Variants in KLHDC7A observed in about 807,000 individuals in gnomAD.
KLHDC7A encodes kelch domain-containing protein 7A.
For missense variants in KLHDC7A, 1,123 were observed against 1,052.6 expected (o/e 1.07, Z -0.93); for synonymous variants, 464 against 461.0 (o/e 1.01, Z -0.08).
rs2086918952 is a variant in KLHDC7A, at chr1:18,484,143, A to G, written c.*828A>G. 1.2e-6 allele frequency: 1 copy of G among 832,832 alleles called. No homozygotes were observed. The highest frequency in any genetic ancestry group is 1.8e-6 in the Non-Finnish European group (1 of 563,390). The allele number at this position is 832,832 out of a possible 1,614,324, so 51.6% of individuals were successfully genotyped here. A position where few individuals can be genotyped will look rare whatever the true frequency, so the allele number is the denominator to read the frequency against. On this transcript the variant is annotated 3_prime_UTR_variant, in exon 1 of 1. Coordinates refer to ENST00000400664, the MANE Select transcript of KLHDC7A (RefSeq NM_152375.3). ...AACTGACCATTGCACTCATTCTCAG[A>G]TCTGTAGCCGTCTTCCTGTCTGGAA...
In KLHDC7A at chr1:18,482,908, C is replaced by T. The variant is rs893621431; in HGVS notation, c.1927C>T (p.Leu643=). ...GGAAATCTTCGTCACCGGCGGCTCG[C>T]TGCGCTTCCTGCTGTTCCGCTTCTC... ...AKEIFVTGGS[L]RFLLFRFSAQ... is the part of the protein sequence containing the mutation. Residue 643 remains leucine (L), a synonymous_variant, in exon 1 of 1, where the codon CTG becomes TTG. Coordinates refer to ENST00000400664, the MANE Select transcript of KLHDC7A (RefSeq NM_152375.3). The T allele has an allele frequency of 6.2e-7, 1 of 1,609,952 alleles. No individual in the cohort carries two copies. The highest frequency in any genetic ancestry group is 1.3e-5 in the African/African-American group (1 of 75,036).
At position 18,483,337 on chromosome 1, in the gene KLHDC7A, C is replaced by T; in HGVS notation, c.*22C>T. 1.3e-6 allele frequency: 2 copies of T among 1,597,804 alleles called. No individual in the cohort carries two copies. The highest frequency in any genetic ancestry group is 8.5e-7 in the Non-Finnish European group (1 of 1,169,908). On this transcript the variant is annotated 3_prime_UTR_variant, in exon 1 of 1. Transcript: ENST00000400664. ...CTAGCAGTCCCTCAACTGAGCTCCT[C>T]ATGCAAAGCTGGGGGCCACCGGGCT...
chr1:18,481,506 A>G lies in KLHDC7A; in HGVS notation c.525A>G (p.Ala175=). Residue 175 remains alanine, a synonymous_variant, in exon 1 of 1, where the codon GCA becomes GCG. Coordinates refer to ENST00000400664, the MANE Select transcript of KLHDC7A (RefSeq NM_152375.3). ...GCTCCCCAGCTGGACTCATTGCAGC[A>G]GCCGACGGCAGCTGTGCCGGTGGTG... is the stretch of plus-strand genomic sequence containing the variant. ...PKSSPAGLIA[A]ADGSCAGGEP... 1 of 1,613,450 alleles carries G rather than the reference A, an allele frequency of 6.2e-7. No individual in the cohort carries two copies. The highest frequency in any genetic ancestry group is 8.5e-7 in the Non-Finnish European group (1 of 1,180,026).
In KLHDC7A at chr1:18,482,066, G is replaced by T; in HGVS notation, c.1085G>T (p.Arg362Leu). The part of the protein sequence containing the change: ...GPWPSTRGFS[R>L]KESLLQIAEN... ...TGGCCCTCCACCCGAGGCTTCAGCC[G>T]GAAGGAGAGCCTTCTGCAGATAGCG... The change falls in exon 1 of 1, where the codon CGG becomes CTG. Residue 362 changes from arginine to leucine, a missense_variant. Physicochemically the swap from Arg to Leu is moderately radical, Grantham distance 102. Transcript: ENST00000400664. The T allele has an allele frequency of 6.2e-7, 1 of 1,612,646 alleles. No homozygotes were observed. Among genetic ancestry groups the T allele is most frequent in the South Asian group, 1.1e-5 (1 of 91,058 alleles).
Position 18,481,870 on chromosome 1 carries a change from A to G in KLHDC7A, c.889A>G (p.Thr297Ala). Residue 297 changes from threonine (T) to alanine (A), a missense_variant, in exon 1 of 1, where the codon ACC (threonine) becomes GCC (alanine). Physicochemically the swap from Thr to Ala is moderately conservative, Grantham distance 58 (BLOSUM62 0). Transcript: ENST00000400664. ...GGTGTACGACTACTATGTGGAATCTACCTCTCAGGCCATCTTCCAGGGCAG... is the reference window on the plus strand; with the variant it reads ...GGTGTACGACTACTATGTGGAATCTGCCTCTCAGGCCATCTTCCAGGGCAG... The part of the protein sequence containing the change: ...GKVYDYYVES[T>A]SQAIFQGRLA... 6.2e-7 allele frequency: 1 copy of G among 1,613,728 alleles called. No homozygotes were observed. The highest frequency in any genetic ancestry group is 8.5e-7 in the Non-Finnish European group (1 of 1,179,896).
Position 18,484,049 on chromosome 1 carries a change from G to A in KLHDC7A, c.*734G>A, listed in dbSNP as rs778788901. ...TGGTGGAGGTCTGCTAAGGATACAC[G>A]GAGGTCTCAGCAAAGGGAAGAAACT... On this transcript the variant is annotated 3_prime_UTR_variant, in exon 1 of 1. Transcript: ENST00000400664. The A allele has an allele frequency of 1.0e-5, 13 of 1,303,438 alleles. No individual in the cohort carries two copies. Among genetic ancestry groups the A allele is most frequent in the African/African-American group, 7.6e-5 (5 of 65,826 alleles). The allele number at this position is 1,303,438 out of a possible 1,614,324, so 80.7% of individuals were successfully genotyped here.
Position 18,482,001 on chromosome 1 carries a change from G to C in KLHDC7A, c.1020G>C (p.Lys340Asn). The C allele has an allele frequency of 1.2e-6, 2 of 1,612,936 alleles. No homozygotes were observed. Among genetic ancestry groups the C allele is most frequent in the South Asian group, 2.2e-5 (2 of 91,074 alleles). ...AASGGQAGDT[K>N]GAAERAASPQ... The stretch of plus-strand genomic sequence containing the variant: ...CGGGAGGCCAAGCCGGTGACACAAA[G>C]GGTGCAGCCGAAAGAGCCGCCTCCC... The change falls in exon 1 of 1, where the codon AAG becomes AAC. Residue 340 changes from lysine (K) to asparagine (N), a missense_variant. By Grantham distance (94) the Lys-to-Asn change is moderately conservative. Coordinates refer to ENST00000400664, the MANE Select transcript of KLHDC7A (RefSeq NM_152375.3).
rs1557445418 is a variant in KLHDC7A at position 18,482,431 on chromosome 1, C to T, written c.1450C>T (p.Leu484=). The T allele has an allele frequency of 1.9e-6, 3 of 1,609,556 alleles. No homozygotes were observed. Among genetic ancestry groups the T allele is most frequent in the Non-Finnish European group, 2.5e-6 (3 of 1,179,890 alleles). Residue 484 remains leucine, a synonymous_variant, in exon 1 of 1, where the codon CTG becomes TTG. Coordinates refer to ENST00000400664, the MANE Select transcript of KLHDC7A (RefSeq NM_152375.3). ...GAGCGGGGCAGAGCGCGAGCTGATC[C>T]TGCAGCGCCGGCTCCGGGGCCGCCA... The part of the protein sequence containing the change: ...CLSGAERELI[L]QRRLRGRQYL...
In KLHDC7A at chr1:18,481,351, G is replaced by C; in HGVS notation, c.370G>C (p.Glu124Gln). ...DRKPQRKGSG[E>Q]ERGGQGSDSE... ...GAAGCCCCAGAGAAAAGGCTCAGGTGAGGAGCGGGGCGGGCAGGGCTCGGA... is the reference window on the plus strand; with the variant it reads ...GAAGCCCCAGAGAAAAGGCTCAGGTCAGGAGCGGGGCGGGCAGGGCTCGGA... The change falls in exon 1 of 1, where the codon GAG (glutamate) becomes CAG (glutamine). Residue 124 changes from glutamate (E) to glutamine (Q), a missense_variant. Physicochemically the swap from Glu to Gln is conservative, Grantham distance 29. Coordinates refer to ENST00000400664, the MANE Select transcript of KLHDC7A (RefSeq NM_152375.3). 6.2e-7 allele frequency: 1 copy of C among 1,603,818 alleles called. No homozygotes were observed. Among genetic ancestry groups the C allele is most frequent in the Non-Finnish European group, 8.5e-7 (1 of 1,174,638 alleles).
Position 18,483,362 on chromosome 1 carries a change from T to A in KLHDC7A, c.*47T>A. ...CATGCAAAGCTGGGGGCCACCGGGC[T>A]CCACTGCCAGCCGTCCCTCTGGGGG... On this transcript the variant is annotated 3_prime_UTR_variant, in exon 1 of 1. Coordinates refer to ENST00000400664, the MANE Select transcript of KLHDC7A (RefSeq NM_152375.3). 2.5e-6 allele frequency: 4 copies of A among 1,577,798 alleles called. No individual in the cohort carries two copies. The highest frequency in any genetic ancestry group is 3.4e-6 in the Non-Finnish European group (4 of 1,159,874).
chr1:18,484,152 C>G lies in KLHDC7A; in HGVS notation c.*837C>G, dbSNP rs546161308. 1 of 763,820 alleles carries G rather than the reference C, an allele frequency of 1.3e-6. No homozygotes were observed. Among genetic ancestry groups the G allele is most frequent in the Non-Finnish European group, 2.0e-6 (1 of 504,056 alleles). 47.3% of individuals were successfully genotyped at this position (763,820 alleles called of 1,614,324 possible). A position where few individuals can be genotyped will look rare whatever the true frequency, so the allele number is the denominator to read the frequency against. Reference sequence around the variant, plus strand: ...TTGCACTCATTCTCAGATCTGTAGCCGTCTTCCTGTCTGGAAGCTGGGGCA... The same window carrying G: ...TTGCACTCATTCTCAGATCTGTAGCGGTCTTCCTGTCTGGAAGCTGGGGCA... On this transcript the variant is annotated 3_prime_UTR_variant, in exon 1 of 1. Transcript: ENST00000400664.
Position 18,483,945 on chromosome 1 carries a change from C to T in KLHDC7A, c.*630C>T, listed in dbSNP as rs991955076. ...GGCCAGCCTAGGAGACTCTTGCTTGCGAGAAAATATACCAAAGCCCACATT... is the reference window on the plus strand; with the variant it reads ...GGCCAGCCTAGGAGACTCTTGCTTGTGAGAAAATATACCAAAGCCCACATT... On this transcript the variant is annotated 3_prime_UTR_variant, in exon 1 of 1. Coordinates refer to ENST00000400664, the MANE Select transcript of KLHDC7A (RefSeq NM_152375.3). 41 of 1,304,126 alleles carry T rather than the reference C, an allele frequency of 3.1e-5. No individual in the cohort carries two copies. The highest frequency in any genetic ancestry group is 1.8e-4 in the Admixed American group (8 of 43,566). The allele number at this position is 1,304,126 out of a possible 1,614,324, so 80.8% of individuals were successfully genotyped here.
chr1:18,481,460 G>A lies in KLHDC7A; in HGVS notation c.479G>A (p.Arg160His), dbSNP rs746220981. 3 of 1,613,528 alleles carry A rather than the reference G, an allele frequency of 1.9e-6. No individual in the cohort carries two copies. The highest frequency in any genetic ancestry group is 2.7e-5 in the African/African-American group (2 of 74,894). The change falls in exon 1 of 1, where the codon CGC becomes CAC. Residue 160 changes from arginine (R) to histidine (H), a missense_variant. Coordinates refer to ENST00000400664, the MANE Select transcript of KLHDC7A (RefSeq NM_152375.3). ...GSNPDPPHFP[R>H]LGSEPKSSPA... Reference sequence around the variant, plus strand: ...AACCCTGACCCTCCCCATTTCCCCCGCTTGGGCAGCGAACCGAAGAGCTCC... The same window carrying A: ...AACCCTGACCCTCCCCATTTCCCCCACTTGGGCAGCGAACCGAAGAGCTCC...
Position 18,482,040 on chromosome 1 carries a change from G to T in KLHDC7A, c.1059G>T (p.Pro353=), listed in dbSNP as rs201066893. The T allele has an allele frequency of 7.4e-6, 12 of 1,612,612 alleles. No homozygotes were observed. The highest frequency in any genetic ancestry group is 1.0e-5 in the Non-Finnish European group (12 of 1,179,806). ...GAGCCGCCTCCCCGCAGACAGGGCC[G>T]TGGCCCTCCACCCGAGGCTTCAGCC... ...AERAASPQTG[P]WPSTRGFSRK... is the part of the protein sequence containing the mutation. Residue 353 remains proline, a synonymous_variant, in exon 1 of 1, where the codon CCG becomes CCT. Coordinates refer to ENST00000400664, the MANE Select transcript of KLHDC7A (RefSeq NM_152375.3).
At position 18,481,970 on chromosome 1, in the gene KLHDC7A, C is replaced by T. The variant is rs1429417936; in HGVS notation, c.989C>T (p.Ala330Val). Residue 330 changes from alanine to valine, a missense_variant, in exon 1 of 1, where the codon GCT (alanine) becomes GTT (valine). By Grantham distance (64) the Ala-to-Val change is moderately conservative. Coordinates refer to ENST00000400664, the MANE Select transcript of KLHDC7A (RefSeq NM_152375.3). ...CCGCCAGGGTCCCTGGGAACAGGGGCTGCCTCGGGAGGCCAAGCCGGTGAC... is the reference window on the plus strand; with the variant it reads ...CCGCCAGGGTCCCTGGGAACAGGGGTTGCCTCGGGAGGCCAAGCCGGTGAC... ...RPPPGSLGTG[A>V]ASGGQAGDTK... The T allele has an allele frequency of 6.2e-7, 1 of 1,612,974 alleles. No homozygotes were observed. Among genetic ancestry groups the T allele is most frequent in the Non-Finnish European group, 8.5e-7 (1 of 1,179,972 alleles).
Position 18,484,102 on chromosome 1 carries a change from C to A in KLHDC7A, c.*787C>A. ...GTGATCCAAGGGCCACCCTGCTCCTCGGCCCTGCCCATGTTAACTGACCAT... is the reference window on the plus strand; with the variant it reads ...GTGATCCAAGGGCCACCCTGCTCCTAGGCCCTGCCCATGTTAACTGACCAT... On this transcript the variant is annotated 3_prime_UTR_variant, in exon 1 of 1. Coordinates refer to ENST00000400664, the MANE Select transcript of KLHDC7A (RefSeq NM_152375.3). The A allele has an allele frequency of 8.7e-7, 1 of 1,147,466 alleles. No homozygotes were observed. The highest frequency in any genetic ancestry group is 1.3e-5 in the South Asian group (1 of 77,854). 71.1% of individuals were successfully genotyped at this position (1,147,466 alleles called of 1,614,324 possible).
In KLHDC7A at chr1:18,482,554, C is replaced by G; in HGVS notation, c.1573C>G (p.Pro525Ala). ...QDVWRPLARM[P>A]PEAVSRGCAI... Reference sequence around the variant, plus strand: ...TGTCTGGCGCCCGCTGGCTCGCATGCCCCCCGAGGCCGTGTCCCGGGGCTG... The same window carrying G: ...TGTCTGGCGCCCGCTGGCTCGCATGGCCCCCGAGGCCGTGTCCCGGGGCTG... Residue 525 changes from proline to alanine, a missense_variant, in exon 1 of 1, where the codon CCC becomes GCC. Pro to Ala is a conservative substitution (Grantham distance 27). Coordinates refer to ENST00000400664, the MANE Select transcript of KLHDC7A (RefSeq NM_152375.3). 6.2e-7 allele frequency: 1 copy of G among 1,611,528 alleles called. No individual in the cohort carries two copies. Among genetic ancestry groups the G allele is most frequent in the Non-Finnish European group, 8.5e-7 (1 of 1,179,924 alleles).
In KLHDC7A at chr1:18,485,077, C is replaced by G. The variant is rs1168397922; in HGVS notation, c.*1762C>G. ...CACTAGGCATGAACCTCCAAGGGAC[C>G]TGTGGGCTGGGGCAGAATGGCTTCA... is the stretch of plus-strand genomic sequence containing the variant. On this transcript the variant is annotated 3_prime_UTR_variant, in exon 1 of 1. Coordinates refer to ENST00000400664, the MANE Select transcript of KLHDC7A (RefSeq NM_152375.3). 6.0e-6 allele frequency: 1 copy of G among 167,274 alleles called. No homozygotes were observed. The highest frequency in any genetic ancestry group is 2.4e-5 in the African/African-American group (1 of 41,432). 10.4% of individuals were successfully genotyped at this position (167,274 alleles called of 1,614,324 possible). A position where few individuals can be genotyped will look rare whatever the true frequency, so the allele number is the denominator to read the frequency against.
At position 18,481,444 on chromosome 1, in the gene KLHDC7A, C is replaced by T; in HGVS notation, c.463C>T (p.Pro155Ser). The T allele has an allele frequency of 6.2e-7, 1 of 1,613,588 alleles. No individual in the cohort carries two copies. The highest frequency in any genetic ancestry group is 8.5e-7 in the Non-Finnish European group (1 of 1,179,982). Residue 155 changes from proline to serine, a missense_variant, in exon 1 of 1, where the codon CCT becomes TCT. Coordinates refer to ENST00000400664, the MANE Select transcript of KLHDC7A (RefSeq NM_152375.3). ...AACAGCTGTTGGCAGTAACCCTGAC[C>T]CTCCCCATTTCCCCCGCTTGGGCAG... is the stretch of plus-strand genomic sequence containing the variant. ...TRTAVGSNPD[P>S]PHFPRLGSEP...
Sources: allele counts gnomAD v4.1 joint callset, GRCh38; gene constraint gnomAD v4.1.1; transcripts MANE v1.5; gene names NCBI Gene and HGNC (gene_info 2026-07-23, HGNC 2026-07-21).